Variants in PIAS1 observed in about 807,000 individuals in gnomAD.
PIAS1 encodes the protein E3 SUMO-protein ligase PIAS1.
Under a neutral mutation model 71.3 loss-of-function variants are expected in PIAS1, and 6 were observed. That is an observed-to-expected ratio of 0.08 (90% CI 0.05 to 0.17). The LOEUF is 0.17. Among genes scored for constraint, PIAS1 ranks in the 10% least tolerant of loss-of-function variants. The pLI is 1.00. For synonymous variants in PIAS1, 303 were observed against 292.9 expected, an observed-to-expected ratio of 1.03 and a Z score of -0.35; for missense variants, 555 against 793.6, an observed-to-expected ratio of 0.70 and a Z score of 3.61.
chr15:68,162,265 G>A (rs1174868113), intron 7 of PIAS1, among the ~76,000 whole-genome samples: 1 of 152,052 alleles, frequency 6.6e-6, no homozygotes, highest in African/African-American at 2.4e-5. Flanking sequence ...TAAACACTGA[G>A]CTTTGTTTTG....
rs1333849976 is a variant in PIAS1, at chr15:68,141,955, A to G, written c.479A>G (p.Asn160Ser). 2 of 1,600,226 alleles carry G rather than the reference A, an allele frequency of 1.2e-6. No individual in the cohort carries two copies. The highest frequency in any genetic ancestry group is 1.7e-6 in the Non-Finnish European group (2 of 1,171,914). Residue 160 changes from asparagine to serine, a missense_variant, in exon 3 of 14, where the codon AAC (asparagine) becomes AGC (serine). Asn to Ser is a conservative substitution (Grantham distance 46, BLOSUM62 1). Around this residue, in one of 5 missense-constraint regions of PIAS1, gnomAD observed 134 missense variants for 203.4 expected, o/e 0.66. Transcript: ENST00000249636. ...LIKPTSLASDNSQRFRETCFA... is the reference protein window; with the variant it reads ...LIKPTSLASDSSQRFRETCFA... ...TTCTTGTCTTCTTTAGCATCAGACA[A>G]CAGTCAGCGCTTTCGAGAAACCTGT...
chr15:68,067,657 T>C (rs1362831021), intron 1 of PIAS1, among the ~76,000 whole-genome samples: 1 of 152,096 alleles, frequency 6.6e-6, no homozygotes, highest in African/African-American at 2.4e-5. Context: ...AAGATTTATA[T>C]TGAGTGGTAG....
In PIAS1 at chr15:68,183,625, C is replaced by A; in HGVS notation, c.1625-5C>A. On this transcript the variant is annotated splice_region_variant and splice_polypyrimidine_tract_variant and intron_variant, in intron 12 of 13. Transcript: ENST00000249636. ...TTTAAACTGAAATAATTTTTTCTTC[C>A]ACAGGATTAGATTTCTTTCCTTTCT... 9.0e-7 allele frequency: 1 copy of A among 1,105,148 alleles called. No individual in the cohort carries two copies. The highest frequency in any genetic ancestry group is 1.3e-6 in the Non-Finnish European group (1 of 756,282). The allele number at this position is 1,105,148 out of a possible 1,614,324, so 68.5% of individuals were successfully genotyped here. A position where few individuals can be genotyped will look rare whatever the true frequency, so the allele number is the denominator to read the frequency against.
At chr15:68,096,949 TG>T (rs1241485089) in intron 2 of PIAS1, among the ~76,000 whole-genome samples, 1 of 152,230 alleles carries the variant, frequency 6.6e-6, no homozygotes, top group East Asian at 1.9e-4. Context: ...TCTAGTACTA[TG>T]TTGAGTAGAA....
chr15:68,183,512 A>G, intron 12 of PIAS1, 118 bp from the exon 13 acceptor site: 1 of 589,816 alleles, frequency 1.7e-6, no homozygotes. Context: ...CTTCATGTTT[A>G]AATAAAATTC....
In PIAS1 at chr15:68,187,464, C is replaced by A. The variant is rs1289652312; in HGVS notation, c.1663-78C>A. 7 of 1,320,082 alleles carry A rather than the reference C, an allele frequency of 5.3e-6. No individual in the cohort carries two copies. Among genetic ancestry groups the A allele is most frequent in the Admixed American group, 1.9e-5 (1 of 53,392 alleles). The allele number at this position is 1,320,082 out of a possible 1,614,324, so 81.8% of individuals were successfully genotyped here. On this transcript the variant is annotated intron_variant, in intron 13 of 13. Transcript: ENST00000249636. The surrounding 1 kb of genome is among the most constrained non-coding windows in gnomAD (Gnocchi z 5.3). ...TACTCAGGCTATCTTAAATTTAGGG[C>A]TGTGTCCCGCTGAGGAGAAAATATA...
At chr15:68,130,907 T>A (rs1348607726) in intron 2 of PIAS1, among the ~76,000 whole-genome samples, 4 of 152,218 alleles carry the variant, frequency 2.6e-5, no homozygotes. Context: ...ATTTATTGAC[T>A]GCTTACTTTG....
At chr15:68,087,823 T>A in intron 2 of PIAS1, 1 of 356,996 alleles carries the variant, frequency 2.8e-6, no homozygotes, top group Non-Finnish European at 5.8e-6. Context: ...ATGAAGTGTT[T>A]GTTTTTAATT....
intron 2 of PIAS1, among the ~76,000 whole-genome samples, chr15:68,091,869 C>T (rs536393980): frequency 6.6e-6 from 1 of 152,280 alleles, no homozygotes; most frequent in South Asian, 2.1e-4. Context: ...GGTTTTGTTA[C>T]CAACAGAATG....
At chr15:68,106,516 G>A (rs2092471628) in intron 2 of PIAS1, among the ~76,000 whole-genome samples, 1 of 152,216 alleles carries the variant, frequency 6.6e-6, no homozygotes, top group South Asian at 2.1e-4. Context: ...TTACCTAGGT[G>A]CAAAACTGGC....
In PIAS1 at chr15:68,173,211, C is replaced by T. The variant is rs966753061; in HGVS notation, c.1009-521C>T. ...ACTGCTTTAAGAATTTGAGAAAAGC[C>T]GGGCACAGTGGTGTGCGCCTGTATC... is the stretch of plus-strand genomic sequence containing the variant. On this transcript the variant is annotated intron_variant, in intron 8 of 13. Coordinates refer to ENST00000249636, the MANE Select transcript of PIAS1 (RefSeq NM_016166.3). The surrounding 1 kb of genome is among the most constrained non-coding windows in gnomAD (Gnocchi z 4.3). 1.2e-4 allele frequency among the ~76,000 whole-genome samples: 18 copies of T among 152,020 alleles called. No individual in the cohort carries two copies. Among genetic ancestry groups the T allele is most frequent in the East Asian group, 1.9e-4 (1 of 5,188 alleles).
At chr15:68,077,061 A>G (rs1050701752) in intron 1 of PIAS1, among the ~76,000 whole-genome samples, 2 of 152,232 alleles carry the variant, frequency 1.3e-5, no homozygotes, top group African/African-American at 4.8e-5. Flanking sequence ...GTATTCGAGG[A>G]TGAGGTGGTT....
chr15:68,100,438 G>A (rs1270378740), intron 2 of PIAS1, among the ~76,000 whole-genome samples: 1 of 152,118 alleles, frequency 6.6e-6, no homozygotes, highest in Non-Finnish European at 1.5e-5. Flanking sequence ...TCTAGCCCCA[G>A]TGGTTCATCC....
intron 2 of PIAS1, among the ~76,000 whole-genome samples, chr15:68,119,273 A>T (rs1182923511): frequency 7.0e-6 from 1 of 142,860 alleles, no homozygotes; most frequent in African/African-American, 2.5e-5. Flanking sequence ...AAGTATATAT[A>T]TATGTACACA....
chr15:68,139,587 A>G (rs1380700982), intron 2 of PIAS1, among the ~76,000 whole-genome samples: 1 of 152,194 alleles, frequency 6.6e-6, no homozygotes, highest in African/African-American at 2.4e-5. Context: ...TATATACTGT[A>G]TGTGTCAAAA....
rs2093021710 is a variant in PIAS1 at position 68,176,618 on chromosome 15, C to T, written c.1445C>T (p.Pro482Leu). Residue 482 changes from proline (P) to leucine (L), a missense_variant, in exon 11 of 14, where the codon CCT becomes CTT. This residue lies in a region of PIAS1 where 244 missense variants were observed against 307.5 expected (regional missense o/e 0.79). Transcript: ENST00000249636. Reference sequence around the variant, plus strand: ...GAGCCATCTGCCAAGAGGACCTGTCCTTCCCTATCTCCCACATCACCACTA... The same window carrying T: ...GAGCCATCTGCCAAGAGGACCTGTCTTTCCCTATCTCCCACATCACCACTA... ...EEEPSAKRTCPSLSPTSPLNN... is the reference protein window; with the variant it reads ...EEEPSAKRTCLSLSPTSPLNN... 1.9e-6 allele frequency: 3 copies of T among 1,607,822 alleles called. No homozygotes were observed. The South Asian group carries it at 3.3e-5, about 18-fold the overall frequency.
intron 2 of PIAS1, among the ~76,000 whole-genome samples, chr15:68,129,347 C>A (rs977781420): frequency 6.6e-6 from 1 of 152,106 alleles, no homozygotes; most frequent in African/African-American, 2.4e-5. Context: ...GGTTGACAGA[C>A]CTGAGCCACT....
chr15:68,144,846 A>T (rs1286711106), intron 4 of PIAS1, among the ~76,000 whole-genome samples: 1 of 152,160 alleles, frequency 6.6e-6, no homozygotes, highest in Non-Finnish European at 1.5e-5. Context: ...TTTACATATA[A>T]AATTGTTTTA....
At chr15:68,057,792 A>G (rs993501214) in intron 1 of PIAS1, among the ~76,000 whole-genome samples, 3 of 152,234 alleles carry the variant, frequency 2.0e-5, no homozygotes, top group Non-Finnish European at 2.9e-5. Context: ...ATTTTTATCA[A>G]CAGTATTTTA....
Sources: allele counts gnomAD v4.1 joint callset (sites outside exome capture counted in the v4.1 genomes callset), GRCh38; gene constraint gnomAD v4.1.1; regional missense constraint gnomAD v4.1.1; non-coding constraint Gnocchi (gnomAD v3.1); transcripts MANE v1.5; gene names NCBI Gene and HGNC (gene_info 2026-07-23, HGNC 2026-07-21).